Variants in SLC22A23 observed in about 807,000 individuals in gnomAD.
SLC22A23 encodes ion transporter protein.
Under a neutral mutation model 61.0 loss-of-function variants are expected in SLC22A23, and 26 were observed. The observed-to-expected ratio is 0.43, with a 90% CI of 0.31 to 0.59. The LOEUF is 0.59. Among genes scored for constraint, SLC22A23 ranks in the 20% least tolerant of loss-of-function variants. SLC22A23 has a pLI of 0.11. For missense variants in SLC22A23, 796 were observed against 934.7 expected (o/e 0.85, Z 1.94); for synonymous variants, 430 against 413.9 (o/e 1.04, Z -0.47).
rs1293432737 is a variant in SLC22A23 at position 3,327,519 on chromosome 6, C to T, written c.914-3517G>A. On this transcript the variant is annotated intron_variant, in intron 3 of 9. Transcript: ENST00000406686. The surrounding 1 kb of genome is among the most constrained non-coding windows in gnomAD (Gnocchi z 4.1). ...AAGTGGCCAGCATGTAGCACTTCCA[C>T]TGCTGTGGTTAAAAGCCTGGACTCC... is the stretch of plus-strand genomic sequence containing the variant. 1.3e-5 allele frequency among the ~76,000 whole-genome samples: 2 copies of T among 152,224 alleles called. No homozygotes were observed. Among genetic ancestry groups the T allele is most frequent in the African/African-American group, 4.8e-5 (2 of 41,462 alleles).
intron 3 of SLC22A23, among the ~76,000 whole-genome samples, chr6:3,362,576 T>A (rs2127451280): frequency 6.6e-6 from 1 of 152,106 alleles, no homozygotes; most frequent in Middle Eastern, 3.4e-3. Context: ...GGATTGAGAT[T>A]AATGAGCACA....
rs1402015083 is a variant in SLC22A23 at position 3,271,251 on chromosome 6, G to A, written c.*1804C>T. 1 of 152,374 alleles carries A rather than the reference G, an allele frequency of 6.6e-6. No homozygotes were observed. The highest frequency in any genetic ancestry group is 1.5e-5 in the Non-Finnish European group (1 of 68,058). 9.4% of individuals were successfully genotyped at this position (152,374 alleles called of 1,614,324 possible). A position where few individuals can be genotyped will look rare whatever the true frequency, so the allele number is the denominator to read the frequency against. ...GAGGGAAGGTGAGGAGCTGGACGTG[G>A]AGCAAGTGGAGGCAGGGAGAGGCTG... On this transcript the variant is annotated 3_prime_UTR_variant, in exon 10 of 10. Transcript: ENST00000406686.
intron 1 of SLC22A23, among the ~76,000 whole-genome samples, chr6:3,428,901 T>C (rs971730614): frequency 1.3e-5 from 2 of 152,202 alleles, no homozygotes; most frequent in African/African-American, 4.8e-5. Flanking sequence ...TGGTGTCTCA[T>C]TTTCAGGACT....
At position 3,323,904 on chromosome 6, in the gene SLC22A23, G is replaced by A. The variant is rs1357672756; in HGVS notation, c.1012C>T (p.Leu338=). The change falls in exon 4 of 10, where the codon CTG becomes TTG. Residue 338 remains leucine, a synonymous_variant. Transcript: ENST00000406686. ...GQFLMPGLAA[L]CRDWQVLQAL... Reference sequence around the variant, plus strand: ...TGCAGCACCTGCCAATCCCGGCACAGGGCGGCTAGCCCAGGCATGAGGAAC... The same window carrying A: ...TGCAGCACCTGCCAATCCCGGCACAAGGCGGCTAGCCCAGGCATGAGGAAC... 1 of 1,614,230 alleles carries A rather than the reference G, an allele frequency of 6.2e-7. No individual in the cohort carries two copies. Among genetic ancestry groups the A allele is most frequent in the South Asian group, 1.1e-5 (1 of 91,086 alleles).
In SLC22A23 at chr6:3,445,725, C is replaced by T. The variant is rs377077513; in HGVS notation, c.654+10181G>A. The stretch of plus-strand genomic sequence containing the variant: ...GGGGCTGAAGGAAGGAGGGAAGGGG[C>T]TCGAGCAAGTGGAATAGCATGAGCA... On this transcript the variant is annotated intron_variant, in intron 1 of 9. Coordinates refer to ENST00000406686, the MANE Select transcript of SLC22A23 (RefSeq NM_015482.2). 2.8e-4 allele frequency among the ~76,000 whole-genome samples: 42 copies of T among 152,186 alleles called. 1 individual carries two copies. The highest frequency in any genetic ancestry group is 9.6e-4 in the African/African-American group (40 of 41,512).
intron 3 of SLC22A23, among the ~76,000 whole-genome samples, chr6:3,326,192 G>A (rs935961706): frequency 6.6e-6 from 1 of 152,204 alleles, no homozygotes; most frequent in Non-Finnish European, 1.5e-5. Context: ...GTGAGTTGCT[G>A]TGGCTGGCAC....
intron 1 of SLC22A23, among the ~76,000 whole-genome samples, chr6:3,433,935 T>C (rs1391937911): frequency 1.3e-5 from 2 of 152,226 alleles, no homozygotes; most frequent in African/African-American, 4.8e-5. Context: ...GGGTGGTTGA[T>C]GGGCATATAT....
chr6:3,409,855 G>C (rs1769093330), intron 3 of SLC22A23, among the ~76,000 whole-genome samples: 1 of 152,216 alleles, frequency 6.6e-6, no homozygotes, highest in Non-Finnish European at 1.5e-5. Context: ...GCACCAGATA[G>C]AAGCACACAG....
intron 3 of SLC22A23, among the ~76,000 whole-genome samples, chr6:3,389,884 G>GCTGGAAC (rs1201886706): frequency 6.6e-6 from 1 of 152,274 alleles, no homozygotes; most frequent in African/African-American, 2.4e-5. Context: ...GAACGGCCTT[G>GCTGGAAC]CTGGAACCGG....
chr6:3,373,495 C>T (rs140162363), intron 3 of SLC22A23, among the ~76,000 whole-genome samples: 77 of 152,280 alleles, frequency 5.1e-4, no homozygotes, highest in African/African-American at 1.8e-3. Flanking sequence ...CAGCCATCCT[C>T]AGCCAATTCA....
In SLC22A23 at chr6:3,304,818, C is replaced by T. The variant is rs139843600; in HGVS notation, c.1083-6600G>A. Among the ~76,000 whole-genome samples, 18 of 152,174 alleles carry T rather than the reference C, an allele frequency of 1.2e-4. No individual in the cohort carries two copies. The highest frequency in any genetic ancestry group is 4.1e-4 in the South Asian group (2 of 4,822). ...TAAGGCATGGGGTTGTGGGACGGTG[C>T]ATTTGTTGTGTTCAGAGAGCTGCAA... is the stretch of plus-strand genomic sequence containing the variant. On this transcript the variant is annotated intron_variant, in intron 4 of 9. Coordinates refer to ENST00000406686, the MANE Select transcript of SLC22A23 (RefSeq NM_015482.2). The surrounding 1 kb of genome is among the most constrained non-coding windows in gnomAD (Gnocchi z 4.3).
chr6:3,456,580 G>T lies in SLC22A23; in HGVS notation c.-21C>A. The T allele has an allele frequency of 1.0e-6, 1 of 982,396 alleles. No individual in the cohort carries two copies. The highest frequency in any genetic ancestry group is 1.2e-6 in the Non-Finnish European group (1 of 829,736). The allele number at this position is 982,396 out of a possible 1,614,324, so 60.9% of individuals were successfully genotyped here. On this transcript the variant is annotated 5_prime_UTR_variant, in exon 1 of 10. An upstream open reading frame in the 5' UTR gains an earlier in-frame stop. Transcript: ENST00000406686. The surrounding 1 kb of genome is among the most constrained non-coding windows in gnomAD (Gnocchi z 7.1). ...GCCATGGCCCGGGCCCGCGGCTCCC[G>T]CAGAGGCGCATAGAGCGCGGCGGAG...
chr6:3,341,043 C>T (rs1764124727), intron 3 of SLC22A23, among the ~76,000 whole-genome samples: 1 of 152,190 alleles, frequency 6.6e-6, no homozygotes, highest in African/African-American at 2.4e-5. Flanking sequence ...GCTGTGAAGT[C>T]AGGGGTCACA....
intron 3 of SLC22A23, among the ~76,000 whole-genome samples, chr6:3,366,241 G>A (rs1765806746): frequency 6.9e-6 from 1 of 145,714 alleles, no homozygotes; most frequent in Non-Finnish European, 1.5e-5. Context: ...GCTGAGGCAG[G>A]AGAATTGCTT....
In SLC22A23 at chr6:3,329,968, A is replaced by T. The variant is rs1329735270; in HGVS notation, c.914-5966T>A. ...CCTGGAACAGGCCTGCGGAACGAGA[A>T]ATCCTTCCAGAGGCCACTGCTGAAC... On this transcript the variant is annotated intron_variant, in intron 3 of 9. Transcript: ENST00000406686. This position sits in a 1 kb window ranked among gnomAD's most constrained non-coding sequence, Gnocchi z 4.8. Among the ~76,000 whole-genome samples, 1 of 152,220 alleles carries T rather than the reference A, an allele frequency of 6.6e-6. No homozygotes were observed. The highest frequency in any genetic ancestry group is 6.5e-5 in the Admixed American group (1 of 15,284).
chr6:3,361,285 C>G (rs1765429251), intron 3 of SLC22A23, among the ~76,000 whole-genome samples: 1 of 125,384 alleles, frequency 8.0e-6, no homozygotes, highest in Admixed American at 8.2e-5. Flanking sequence ...CTTAAAGACT[C>G]CTACATCATT....
chr6:3,379,985 G>A (rs1257673655), intron 3 of SLC22A23, among the ~76,000 whole-genome samples: 6 of 152,132 alleles, frequency 3.9e-5, no homozygotes, highest in African/African-American at 7.2e-5. Flanking sequence ...GTGCACGTGC[G>A]TGCATCTGTA....
intron 4 of SLC22A23, among the ~76,000 whole-genome samples, chr6:3,314,353 T>G (rs565986966): frequency 6.6e-6 from 1 of 152,146 alleles, no homozygotes; most frequent in South Asian, 2.1e-4. Context: ...GAGCAGGAGG[T>G]GGTAGTCCCT....
intron 6 of SLC22A23, among the ~76,000 whole-genome samples, chr6:3,288,930 C>A (rs1760306512): frequency 6.6e-6 from 1 of 152,256 alleles, no homozygotes; most frequent in Admixed American, 6.5e-5. Context: ...ATATGGAGAA[C>A]TGATGAGCTG....
Sources: allele counts gnomAD v4.1 joint callset (sites outside exome capture counted in the v4.1 genomes callset), GRCh38; gene constraint gnomAD v4.1.1; non-coding constraint Gnocchi (gnomAD v3.1); transcripts MANE v1.5; gene names NCBI Gene and HGNC (gene_info 2026-07-23, HGNC 2026-07-21).